The following GPR158 variants were observed in gnomAD, a reference collection of about 807,000 sequenced individuals.
The protein encoded by GPR158 is metabotropic glycine receptor.
Under a neutral mutation model 78.2 loss-of-function variants are expected in GPR158, and 30 were observed. That is an observed-to-expected ratio of 0.38 (90% CI 0.29 to 0.52). GPR158 has a LOEUF of 0.52. Among genes scored for constraint, GPR158 ranks in the 20% least tolerant of loss-of-function variants. GPR158 has a pLI of 0.83. For synonymous variants in GPR158, 581 were observed against 591.1 expected, an observed-to-expected ratio of 0.98 and a Z score of 0.25; for missense variants, 1,463 against 1,523.5, an observed-to-expected ratio of 0.96 and a Z score of 0.66.
intron 4 of GPR158, among the ~76,000 whole-genome samples, chr10:25,414,226 G>A (rs1359144422): frequency 6.6e-6 from 1 of 152,166 alleles, no homozygotes; most frequent in Non-Finnish European, 1.5e-5. Context: ...GACAAGACCA[G>A]TGTCTTAATG....
At chr10:25,476,283 T>A in intron 5 of GPR158, among the ~76,000 whole-genome samples, 1 of 152,138 alleles carries the variant, frequency 6.6e-6, no homozygotes, top group Non-Finnish European at 1.5e-5. Flanking sequence ...CTAAATTACA[T>A]TTAAAAAGAC....
chr10:25,397,270 G>A (rs914861817), intron 3 of GPR158, among the ~76,000 whole-genome samples: 3 of 152,184 alleles, frequency 2.0e-5, no homozygotes, highest in African/African-American at 4.8e-5. Context: ...TACAATTCAA[G>A]TATTGAGTAT....
chr10:25,370,984 T>A (rs572274691), intron 2 of GPR158, among the ~76,000 whole-genome samples: 1 of 148,416 alleles, frequency 6.7e-6, no homozygotes, highest in South Asian at 2.2e-4. Flanking sequence ...GAGACTAGGA[T>A]TGCAACCCCT....
intron 6 of GPR158, among the ~76,000 whole-genome samples, chr10:25,553,186 TAAAG>T (rs895070195): frequency 9.2e-5 from 14 of 152,288 alleles, no homozygotes; most frequent in South Asian, 4.1e-4. Context: ...TAAATTGACT[TAAAG>T]AAATTATTAG....
At chr10:25,469,199 C>T (rs534540524) in intron 5 of GPR158, among the ~76,000 whole-genome samples, 2 of 152,298 alleles carry the variant, frequency 1.3e-5, no homozygotes, top group Admixed American at 1.3e-4. Context: ...GTGATCTCAT[C>T]TAGCCTCAAA....
chr10:25,484,106 T>C (rs1221491236), intron 5 of GPR158, among the ~76,000 whole-genome samples: 3 of 152,156 alleles, frequency 2.0e-5, no homozygotes, highest in Admixed American at 2.0e-4. Flanking sequence ...ATCTGGCTGT[T>C]CTTAACTTCT....
At chr10:25,451,175 G>T (rs969434716) in intron 4 of GPR158, among the ~76,000 whole-genome samples, 3 of 152,104 alleles carry the variant, frequency 2.0e-5, no homozygotes, top group African/African-American at 7.2e-5. Flanking sequence ...AGTGCTTTAA[G>T]ATAAGCCCCC....
At chr10:25,285,111 C>T (rs1854331967) in intron 2 of GPR158, among the ~76,000 whole-genome samples, 1 of 149,370 alleles carries the variant, frequency 6.7e-6, no homozygotes, top group Non-Finnish European at 1.5e-5. Flanking sequence ...CATAAATCTA[C>T]ATTACTATCT....
At chr10:25,441,284 AC>A (rs1588865940) in intron 4 of GPR158, among the ~76,000 whole-genome samples, 1 of 152,178 alleles carries the variant, frequency 6.6e-6, no homozygotes, top group African/African-American at 2.4e-5. Context: ...GTAGCTCTAT[AC>A]CCAAATTCAG....
chr10:25,266,652 A>T (rs1854048709), intron 2 of GPR158, among the ~76,000 whole-genome samples: 1 of 152,264 alleles, frequency 6.6e-6, no homozygotes, highest in East Asian at 1.9e-4. Flanking sequence ...TGTGCTGTAG[A>T]AGTAAAAGAC....
chr10:25,432,587 G>T (rs922832844), intron 4 of GPR158, among the ~76,000 whole-genome samples: 3 of 152,116 alleles, frequency 2.0e-5, no homozygotes, highest in African/African-American at 7.2e-5. Context: ...TAAAATACTT[G>T]TAAAATACTA....
intron 2 of GPR158, among the ~76,000 whole-genome samples, chr10:25,393,245 A>AACTGAGTCACTGTTGCAGT (rs1834325085): frequency 6.6e-6 from 1 of 152,220 alleles, no homozygotes; most frequent in Non-Finnish European, 1.5e-5. Flanking sequence ...TAAAATTCTC[A>AACTGAGTCACTGTTGCAGT]ACTGAGTCAC....
intron 7 of GPR158, among the ~76,000 whole-genome samples, chr10:25,583,557 A>T (rs1056547055): frequency 2.0e-5 from 3 of 152,172 alleles, no homozygotes; most frequent in African/African-American, 7.2e-5. Flanking sequence ...TTCAAGAATT[A>T]TTGAAGTTGT....
intron 5 of GPR158, among the ~76,000 whole-genome samples, chr10:25,490,157 C>T (rs1794201846): frequency 6.6e-6 from 1 of 152,014 alleles, no homozygotes. Context: ...CATTTCACAT[C>T]CATTGGTTGT....
chr10:25,244,124 A>T (rs957728636), intron 2 of GPR158: 2 of 152,108 alleles, frequency 1.3e-5, no homozygotes, highest in Non-Finnish European at 2.9e-5. Flanking sequence ...TAGGCATCTC[A>T]TTATTTAATT....
At chr10:25,329,209 G>C (rs930053858) in intron 2 of GPR158, among the ~76,000 whole-genome samples, 2 of 152,010 alleles carry the variant, frequency 1.3e-5, no homozygotes, top group African/African-American at 4.8e-5. Context: ...GGCCGAGGCG[G>C]GCAGATCACG....
chr10:25,242,011 G>A (rs1015051477), intron 2 of GPR158, among the ~76,000 whole-genome samples: 2 of 152,190 alleles, frequency 1.3e-5, no homozygotes, highest in Non-Finnish European at 2.9e-5. Context: ...GTGAGTAAAT[G>A]AATGGCTTAA....
chr10:25,539,284 AG>A (rs1285451383), intron 5 of GPR158, among the ~76,000 whole-genome samples: 2 of 152,182 alleles, frequency 1.3e-5, no homozygotes, highest in East Asian at 3.8e-4. Context: ...TTTAGCAAAA[AG>A]CTATGGGTCT....
chr10:25,387,407 C>G (rs1834236590), intron 2 of GPR158, among the ~76,000 whole-genome samples: 1 of 152,098 alleles, frequency 6.6e-6, no homozygotes, highest in South Asian at 2.1e-4. Flanking sequence ...CAATATTCAT[C>G]AGGAATACTT....
Sources: gnomAD v4.1 joint callset for allele counts (sites outside exome capture counted in the v4.1 genomes callset) on GRCh38, gnomAD v4.1.1 for gene constraint, MANE v1.5 for transcripts, NCBI Gene and HGNC (gene_info 2026-07-23, HGNC 2026-07-21) for gene names.